ANKRD11: variants seen among roughly 807,000 people sequenced by gnomAD.
The protein encoded by ANKRD11 is ankyrin repeat domain-containing protein 11.
In ANKRD11, 17 loss-of-function variants were observed where a neutral mutation model predicts 195.7. The ratio of observed to expected loss-of-function variants is 0.09; its 90% CI spans 0.06 to 0.13. ANKRD11 has a LOEUF of 0.13. Ranked by LOEUF, ANKRD11 falls within the 10% of genes least tolerant of loss-of-function variation. The pLI is 1.00. For synonymous variants in ANKRD11, 1,953 were observed against 1,528.1 expected (o/e 1.28, Z -6.49); for missense variants, 3,735 against 3,566.1 (o/e 1.05, Z -1.21).
chr16:89,338,978 G>A (rs764474729), intron 2 of ANKRD11, among the ~76,000 whole-genome samples: 27 of 152,092 alleles, frequency 1.8e-4, no homozygotes, highest in Admixed American at 3.3e-4. Flanking sequence ...TTCCCTCAAA[G>A]TCACCACCGA....
At chr16:89,405,882 G>A (rs1307582836) in intron 2 of ANKRD11, among the ~76,000 whole-genome samples, 1 of 151,962 alleles carries the variant, frequency 6.6e-6, no homozygotes, top group Admixed American at 6.6e-5. Flanking sequence ...AGCCAACGCC[G>A]GCAGATCACC....
chr16:89,327,497 A>C (rs1382396357), intron 2 of ANKRD11, among the ~76,000 whole-genome samples: 1 of 152,236 alleles, frequency 6.6e-6, no homozygotes, highest in African/African-American at 2.4e-5. Context: ...AAATTCCAAG[A>C]AACTTTATTT....
At chr16:89,320,635 C>A (rs1194285454) in intron 2 of ANKRD11, among the ~76,000 whole-genome samples, 1 of 152,136 alleles carries the variant, frequency 6.6e-6, no homozygotes, top group Non-Finnish European at 1.5e-5. Context: ...GAGTCCCCCA[C>A]ACGAGCCACT....
chr16:89,281,745 C>G lies in ANKRD11; in HGVS notation c.4797G>C (p.Lys1599Asn). 6.2e-7 allele frequency: 1 copy of G among 1,614,044 alleles called. No individual in the cohort carries two copies. The change falls in exon 9 of 13, where the codon AAG (lysine) becomes AAC (asparagine). Residue 1599 changes from lysine (K) to asparagine (N), a missense_variant. By Grantham distance (94) the Lys-to-Asn change is moderately conservative (BLOSUM62 0). Coordinates refer to ENST00000301030, the MANE Select transcript of ANKRD11 (RefSeq NM_013275.6). The surrounding 1 kb of genome is among the most constrained non-coding windows in gnomAD (Gnocchi z 5.5). Reference sequence around the variant, plus strand: ...TTTGCTTCATCCTCTCCTTGTGCCGCTTGTGGCGCTCCTCGATCTCCAGGT... The same window carrying G: ...TTTGCTTCATCCTCTCCTTGTGCCGGTTGTGGCGCTCCTCGATCTCCAGGT... ...QKDLEIEERH[K>N]RHKERMKQME...
intron 2 of ANKRD11, among the ~76,000 whole-genome samples, chr16:89,391,296 C>T (rs770658270): frequency 1.6e-4 from 25 of 151,576 alleles, no homozygotes; most frequent in African/African-American, 6.1e-4. Flanking sequence ...CAGGGCAGGT[C>T]GCTGAGAAGC....
At chr16:89,471,037 C>G (rs1227117311) in intron 1 of ANKRD11, among the ~76,000 whole-genome samples, 2 of 151,310 alleles carry the variant, frequency 1.3e-5, no homozygotes, top group Non-Finnish European at 2.9e-5. Flanking sequence ...CCAAAGCCTT[C>G]CTTCCTACAT....
At chr16:89,298,827 A>G (rs1355029493) in intron 4 of ANKRD11, 1 of 152,222 alleles carries the variant, frequency 6.6e-6, no homozygotes, top group African/African-American at 2.4e-5. Context: ...GAGAGGAAAA[A>G]TGGTTGAGAA....
At chr16:89,275,275 G>T in intron 9 of ANKRD11, 84 bp from the exon 10 acceptor site, 1 of 1,216,204 alleles carries the variant, frequency 8.2e-7, no homozygotes, top group Non-Finnish European at 1.2e-6. Flanking sequence ...CGGGGGTCCC[G>T]ACTCAGCCTC....
At chr16:89,369,102 A>C (rs2040079965) in intron 2 of ANKRD11, among the ~76,000 whole-genome samples, 2 of 152,032 alleles carry the variant, frequency 1.3e-5, no homozygotes, top group South Asian at 4.2e-4. Flanking sequence ...ATCACTACCA[A>C]GCTCTGGCCT....
intron 2 of ANKRD11, among the ~76,000 whole-genome samples, chr16:89,321,547 A>C (rs964348085): frequency 5.3e-5 from 8 of 152,038 alleles, no homozygotes; most frequent in African/African-American, 1.9e-4. Flanking sequence ...CCTTGGCATC[A>C]CCAGGGAGTC....
Position 89,341,994 on chromosome 16 carries a change from G to C in ANKRD11, c.-59-24916C>G, listed in dbSNP as rs902166969. On this transcript the variant is annotated intron_variant, in intron 2 of 12. Coordinates refer to ENST00000301030, the MANE Select transcript of ANKRD11 (RefSeq NM_013275.6). ...CAGGAGTGCTGCACCTCCACCCACA[G>C]CGGCCACAGCCCACGGCGGGAGTGC... Among the ~76,000 whole-genome samples the C allele has an allele frequency of 7.9e-5, 7 of 88,332 alleles. 1 individual carries two copies. The Admixed American group carries it at 8.2e-4, about 10-fold the overall frequency. 57.9% of individuals were successfully genotyped at this position (88,332 alleles called of 152,430 possible).
Position 89,280,712 on chromosome 16 carries a change from TGATGACGGC to T in ANKRD11, c.5821_5829del (p.Ala1941_Ile1943del). On this transcript the variant is annotated inframe_deletion, in exon 9 of 13. Coordinates refer to ENST00000301030, the MANE Select transcript of ANKRD11 (RefSeq NM_013275.6). ...TGGGCCCACTCAACGGGCTCCTCGGTGATGACGGCGCTGAAGGGACCCTCGTCCAGCGGC... is the reference window on the plus strand; with the variant it reads ...TGGGCCCACTCAACGGGCTCCTCGGTGCTGAAGGGACCCTCGTCCAGCGGC... 1 of 1,613,114 alleles carries T rather than the reference TGATGACGGC, an allele frequency of 6.2e-7. No individual in the cohort carries two copies.
intron 7 of ANKRD11, chr16:89,287,950 G>C: frequency 2.2e-6 from 1 of 454,488 alleles, no homozygotes; most frequent in Non-Finnish European, 3.9e-6. Context: ...GAAGACATCA[G>C]TGAGACCCGC....
Position 89,285,516 on chromosome 16 carries a change from G to A in ANKRD11, c.1026C>T (p.Pro342=), listed in dbSNP as rs200484387. The change falls in exon 9 of 13, where the codon CCC becomes CCT. Residue 342 remains proline, a synonymous_variant. Coordinates refer to ENST00000301030, the MANE Select transcript of ANKRD11 (RefSeq NM_013275.6). This position sits in a 1 kb window ranked among gnomAD's most constrained non-coding sequence, Gnocchi z 5.6. The stretch of plus-strand genomic sequence containing the variant: ...CATCAAACTCATACTCGTCCTTGAC[G>A]GGGGCCGTGGCCTTCTGTGGCTCTG... The part of the protein sequence containing the change: ...KNPEPQKATA[P]VKDEYEFDED... The A allele has an allele frequency of 1.2e-5, 19 of 1,614,010 alleles. No individual in the cohort carries two copies. The highest frequency in any genetic ancestry group is 8.9e-5 in the East Asian group (4 of 44,882).
At chr16:89,449,991 A>G (rs969603964) in intron 1 of ANKRD11, among the ~76,000 whole-genome samples, 1 of 152,142 alleles carries the variant, frequency 6.6e-6, no homozygotes, top group Admixed American at 6.5e-5. Context: ...AGCCCTGCCT[A>G]AGCACTGGGG....
intron 2 of ANKRD11, among the ~76,000 whole-genome samples, chr16:89,354,952 C>G (rs1469200168): frequency 6.6e-6 from 1 of 152,102 alleles, no homozygotes; most frequent in Non-Finnish European, 1.5e-5. Flanking sequence ...GAAAATGCCC[C>G]CAAAGGAGTG....
At chr16:89,352,376 C>T (rs888632008) in intron 2 of ANKRD11, among the ~76,000 whole-genome samples, 1 of 151,380 alleles carries the variant, frequency 6.6e-6, no homozygotes, top group African/African-American at 2.4e-5. Context: ...TCAAGGCAGC[C>T]CCCCAAGAAA....
chr16:89,401,117 G>A (rs906160517), intron 2 of ANKRD11, among the ~76,000 whole-genome samples: 1 of 128,800 alleles, frequency 7.8e-6, no homozygotes, highest in Admixed American at 8.2e-5. Context: ...CTCCCCAGAG[G>A]GAGTCTTGTT....
At chr16:89,293,253 A>G (rs1226748681) in intron 4 of ANKRD11, among the ~76,000 whole-genome samples, 2 of 152,160 alleles carry the variant, frequency 1.3e-5, no homozygotes, top group Non-Finnish European at 2.9e-5. Flanking sequence ...AGATACACAG[A>G]CTTTGCAAAG....
Sources: gnomAD v4.1 joint callset for allele counts (sites outside exome capture counted in the v4.1 genomes callset) on GRCh38, gnomAD v4.1.1 for gene constraint, Gnocchi (gnomAD v3.1) non-coding constraint, MANE v1.5 for transcripts, NCBI Gene and HGNC (gene_info 2026-07-23, HGNC 2026-07-21) for gene names.